GRIA3: variants seen among roughly 807,000 people sequenced by gnomAD.
The protein encoded by GRIA3 is glutamate ionotropic receptor AMPA type subunit 3, also known as glutamate receptor 3.
GRIA3 carries 3 observed loss-of-function variants against 63.0 expected under a neutral mutation model. That is an observed-to-expected ratio of 0.05 (90% confidence interval 0.02 to 0.12). The LOEUF is 0.12. Ranked by LOEUF, GRIA3 falls within the 10% of genes least tolerant of loss-of-function variation. GRIA3 has a pLI of 1.00. For missense variants in GRIA3, 347 were observed against 700.9 expected, an observed-to-expected ratio of 0.50 and a Z score of 5.70; for synonymous variants, 274 against 257.9, an observed-to-expected ratio of 1.06 and a Z score of -0.60.
intron 2 of GRIA3, among the ~76,000 whole-genome samples, chrX:123,195,685 C>T (rs56385541): frequency 0.036 from 4,060 of 111,583 alleles, 82 homozygotes; most frequent in Middle Eastern, 0.06. Flanking sequence ...GGAAAGTACA[C>T]ATTTCTGACC....
At chrX:123,220,906 G>A (rs1262740917) in intron 2 of GRIA3, among the ~76,000 whole-genome samples, 1 of 111,970 alleles carries the variant, frequency 8.9e-6, no homozygotes, top group Non-Finnish European at 1.9e-5. Context: ...AGCACTTATA[G>A]CACTTATCAA....
At chrX:123,264,050 CAG>C (rs1252416500) in intron 3 of GRIA3, among the ~76,000 whole-genome samples, 3 of 112,037 alleles carry the variant, frequency 2.7e-5, no homozygotes, top group African/African-American at 9.7e-5. Context: ...TTAAGGGAAA[CAG>C]AGATGTTTGG....
At chrX:123,389,931 C>T (rs1266198722) in intron 5 of GRIA3, among the ~76,000 whole-genome samples, 1 of 111,540 alleles carries the variant, frequency 9.0e-6, no homozygotes, top group Non-Finnish European at 1.9e-5. Flanking sequence ...TGGTCTCGAT[C>T]TCCTGACCTC....
intron 12 of GRIA3, among the ~76,000 whole-genome samples, chrX:123,454,268 G>C (rs1387955739): frequency 1.8e-5 from 2 of 110,884 alleles, no homozygotes; most frequent in Non-Finnish European, 3.8e-5. Context: ...CCACATACCA[G>C]CTGTGTGGCA....
At chrX:123,193,286 G>A (rs957272073) in intron 2 of GRIA3, among the ~76,000 whole-genome samples, 1 of 110,925 alleles carries the variant, frequency 9.0e-6, no homozygotes, top group African/African-American at 3.3e-5. Flanking sequence ...ATACCCCAAA[G>A]TGCCCCTTTT....
chrX:123,314,198 C>T (rs1466950120), intron 3 of GRIA3, among the ~76,000 whole-genome samples: 3 of 112,034 alleles, frequency 2.7e-5, no homozygotes, highest in African/African-American at 6.5e-5. Flanking sequence ...CTGGAAATTA[C>T]GGATTTCAAA....
intron 3 of GRIA3, among the ~76,000 whole-genome samples, chrX:123,294,028 T>A (rs1485586251): frequency 1.0e-5 from 1 of 95,923 alleles, no homozygotes; most frequent in South Asian, 5.8e-4. Context: ...CAGGTTTCTG[T>A]CCCTTGCAAC....
intron 3 of GRIA3, among the ~76,000 whole-genome samples, chrX:123,325,018 T>C (rs972451313): frequency 8.9e-5 from 10 of 112,027 alleles, no homozygotes; most frequent in African/African-American, 3.2e-4. Context: ...CCACTCCCAT[T>C]AGTCATTACT....
At chrX:123,194,587 T>C (rs1010570088) in intron 2 of GRIA3, among the ~76,000 whole-genome samples, 2 of 112,238 alleles carry the variant, frequency 1.8e-5, no homozygotes, top group African/African-American at 6.5e-5. Flanking sequence ...TAAACAGTGT[T>C]TCTTGAATTG....
chrX:123,487,852 C>T (rs762808506), intron 15 of GRIA3, among the ~76,000 whole-genome samples: 2 of 112,210 alleles, frequency 1.8e-5, no homozygotes, highest in Non-Finnish European at 3.8e-5. Flanking sequence ...CCTTCAGGTG[C>T]ATATTTGACA....
chrX:123,462,562 G>A (rs2045798734), intron 12 of GRIA3, among the ~76,000 whole-genome samples: 2 of 111,851 alleles, frequency 1.8e-5, no homozygotes, highest in African/African-American at 6.5e-5. Flanking sequence ...CCAGCTGGGC[G>A]AGGTGGCTCA....
chrX:123,289,220 GAGAA>G (rs2044640447), intron 3 of GRIA3, among the ~76,000 whole-genome samples: 1 of 110,292 alleles, frequency 9.1e-6, no homozygotes, highest in African/African-American at 3.3e-5. Flanking sequence ...GTTGAACAAT[GAGAA>G]CACATGGACA....
chrX:123,320,868 C>T (rs769459461), intron 3 of GRIA3, among the ~76,000 whole-genome samples: 10 of 111,782 alleles, frequency 8.9e-5, no homozygotes, highest in Non-Finnish European at 1.9e-4. Flanking sequence ...ATTCCAGTCT[C>T]GCTTCAGATT....
intron 2 of GRIA3, among the ~76,000 whole-genome samples, chrX:123,223,835 A>G (rs2044231052): frequency 8.9e-6 from 1 of 112,431 alleles, no homozygotes; most frequent in East Asian, 2.8e-4. Context: ...AGTGATACAC[A>G]GCTAAGGTGC....
intron 12 of GRIA3, among the ~76,000 whole-genome samples, chrX:123,437,977 GT>G (rs1306908067): frequency 9.0e-6 from 1 of 111,701 alleles, no homozygotes; most frequent in African/African-American, 3.3e-5. Flanking sequence ...CACATTATTA[GT>G]TTTTTTAAGT....
At chrX:123,449,375 C>T (rs186257320) in intron 12 of GRIA3, among the ~76,000 whole-genome samples, 23 of 112,370 alleles carry the variant, frequency 2.0e-4, no homozygotes, top group Non-Finnish European at 2.1e-4. Context: ...CATATGGAGA[C>T]CATTGCCTTG....
chrX:123,422,262 C>T (rs371474794), intron 11 of GRIA3, among the ~76,000 whole-genome samples: 3 of 112,256 alleles, frequency 2.7e-5, no homozygotes, highest in East Asian at 5.6e-4. Flanking sequence ...AAACTGATGG[C>T]ATCATTACAT....
intron 12 of GRIA3, among the ~76,000 whole-genome samples, chrX:123,442,438 G>A (rs1044952087): frequency 2.0e-4 from 22 of 112,070 alleles, no homozygotes; most frequent in Admixed American, 9.5e-5. Flanking sequence ...AGATCAAAGA[G>A]TGGATATTAC....
At chrX:123,266,114 C>T (rs1042648554) in intron 3 of GRIA3, among the ~76,000 whole-genome samples, 10 of 112,000 alleles carry the variant, frequency 8.9e-5, no homozygotes, top group South Asian at 7.3e-4. Flanking sequence ...AGGAGTATTT[C>T]TTCTCAAAAA....
Sources: gnomAD v4.1 joint callset for allele counts (sites outside exome capture counted in the v4.1 genomes callset) on GRCh38, gnomAD v4.1.1 for gene constraint, MANE v1.5 for transcripts, NCBI Gene and HGNC (gene_info 2026-07-23, HGNC 2026-07-21) for gene names.